Variants in DCLK1 observed in about 807,000 individuals in gnomAD.
The protein encoded by DCLK1 is doublecortin like kinase 1, also known as serine/threonine-protein kinase DCLK1.
DCLK1 carries 16 observed loss-of-function variants against 86.2 expected under a neutral mutation model. The ratio of observed to expected loss-of-function variants is 0.19; its 90% CI spans 0.13 to 0.28. The LOEUF is 0.28. Among genes scored for constraint, DCLK1 ranks in the 10% least tolerant of loss-of-function variants. The pLI, the probability that DCLK1 is intolerant of heterozygous loss-of-function variation, is 1.00. For synonymous variants in DCLK1, 369 were observed against 370.5 expected, an observed-to-expected ratio of 1.00 and a Z score of 0.05; for missense variants, 590 against 940.2, an observed-to-expected ratio of 0.63 and a Z score of 4.87.
At chr13:35,962,118 A>AT (rs1162622197) in intron 3 of DCLK1, among the ~76,000 whole-genome samples, 1 of 152,132 alleles carries the variant, frequency 6.6e-6, no homozygotes. Context: ...TAGTTATCTT[A>AT]TTTTTTGCAA....
intron 4 of DCLK1, among the ~76,000 whole-genome samples, chr13:35,912,417 C>G (rs9545707): frequency 0.16 from 24,859 of 152,138 alleles, 2,547 homozygotes; most frequent in East Asian, 0.34. Flanking sequence ...ACCCCACCCC[C>G]AGTCCTGTGC....
intron 3 of DCLK1, among the ~76,000 whole-genome samples, chr13:35,982,409 GGAGA>G (rs1165995449): frequency 1.5e-4 from 11 of 74,282 alleles, no homozygotes; most frequent in African/African-American, 5.5e-4. Flanking sequence ...GAAAAGAAAG[GGAGA>G]GAGAGAGAGA....
chr13:35,933,361 C>T (rs945811570), intron 4 of DCLK1, among the ~76,000 whole-genome samples: 6 of 152,204 alleles, frequency 3.9e-5, no homozygotes, highest in Non-Finnish European at 7.3e-5. Flanking sequence ...CTTCTCACAG[C>T]TCCACTAAGC....
intron 4 of DCLK1, among the ~76,000 whole-genome samples, chr13:35,874,028 C>G (rs1872454146): frequency 6.6e-6 from 1 of 152,058 alleles, no homozygotes; most frequent in Admixed American, 6.6e-5. Flanking sequence ...ATGTGGTGAA[C>G]CTTTTTAGTA....
chr13:36,032,436 G>A (rs1882321137), intron 3 of DCLK1, among the ~76,000 whole-genome samples: 2 of 152,008 alleles, frequency 1.3e-5, no homozygotes, highest in South Asian at 2.1e-4. Flanking sequence ...GAGCCACTGC[G>A]CCCAGCCCAG....
chr13:36,095,626 T>C (rs113304219), intron 3 of DCLK1, among the ~76,000 whole-genome samples: 1,923 of 152,294 alleles, frequency 0.013, 46 homozygotes, highest in African/African-American at 0.044. Context: ...GTAAATATCA[T>C]GGACATATAA....
At chr13:35,827,896 C>T (rs1388905436) in intron 9 of DCLK1, 142 bp from the exon 10 acceptor site, 3 of 1,062,714 alleles carry the variant, frequency 2.8e-6, no homozygotes, top group Non-Finnish European at 4.1e-6. Flanking sequence ...TTCTGATATT[C>T]AGATATAGCC....
chr13:36,074,832 A>T (rs986921241), intron 3 of DCLK1, among the ~76,000 whole-genome samples: 1 of 152,204 alleles, frequency 6.6e-6, no homozygotes, highest in Non-Finnish European at 1.5e-5. Flanking sequence ...GCAGCTCCTT[A>T]TGCTTTGTGC....
At chr13:36,010,033 T>A (rs1250500453) in intron 3 of DCLK1, among the ~76,000 whole-genome samples, 1 of 39,212 alleles carries the variant, frequency 2.6e-5, no homozygotes. Flanking sequence ...GTTTGTCTGT[T>A]GTTGGTGTAT....
intron 4 of DCLK1, among the ~76,000 whole-genome samples, chr13:35,944,052 G>T (rs1052828695): frequency 6.6e-6 from 1 of 152,240 alleles, no homozygotes; most frequent in Middle Eastern, 3.4e-3. Flanking sequence ...GTTATTTTCC[G>T]AATGTGCAAA....
In DCLK1 at chr13:35,772,538, C is replaced by T. The variant is rs1020032961; in HGVS notation, c.*1997G>A. 6.6e-6 allele frequency: 1 copy of T among 152,132 alleles called. No individual in the cohort carries two copies. The highest frequency in any genetic ancestry group is 1.5e-5 in the Non-Finnish European group (1 of 68,012). The allele number at this position is 152,132 out of a possible 1,614,324, so 9.4% of individuals were successfully genotyped here. ...GTGTTCCTCATTAATATGGAATCTA[C>T]CTACACACCAACACTCTTTCTGGTG... On this transcript the variant is annotated 3_prime_UTR_variant, in exon 17 of 17. Transcript: ENST00000360631.
chr13:35,839,215 C>T, intron 6 of DCLK1, 39 bp from the exon 7 acceptor site: 1 of 1,536,832 alleles, frequency 6.5e-7, no homozygotes, highest in Non-Finnish European at 8.8e-7. Flanking sequence ...AAAACTGGGT[C>T]AGAATGCCTG....
intron 1 of DCLK1, among the ~76,000 whole-genome samples, chr13:36,127,603 C>T (rs111527106): frequency 2.0e-5 from 3 of 152,282 alleles, no homozygotes; most frequent in African/African-American, 7.2e-5. Context: ...TAGTGTCTGA[C>T]ATGTGATAAG....
chr13:35,981,491 C>A (rs984735163), intron 3 of DCLK1, among the ~76,000 whole-genome samples: 1 of 152,146 alleles, frequency 6.6e-6, no homozygotes, highest in Non-Finnish European at 1.5e-5. Flanking sequence ...TGCCACATCA[C>A]TACCACCCAG....
At chr13:36,126,909 A>G (rs1886207486) in intron 1 of DCLK1, among the ~76,000 whole-genome samples, 5 of 152,256 alleles carry the variant, frequency 3.3e-5, no homozygotes, top group African/African-American at 1.2e-4. Context: ...AAATTGCTCC[A>G]AGTAATACAG....
Position 35,774,384 on chromosome 13 carries a change from C to A in DCLK1, c.*151G>T. The A allele has an allele frequency of 2.1e-6, 2 of 950,666 alleles. No individual in the cohort carries two copies. The highest frequency in any genetic ancestry group is 3.1e-6 in the Non-Finnish European group (2 of 653,558). The allele number at this position is 950,666 out of a possible 1,614,324, so 58.9% of individuals were successfully genotyped here. On this transcript the variant is annotated 3_prime_UTR_variant, in exon 17 of 17. Coordinates refer to ENST00000360631, the MANE Select transcript of DCLK1 (RefSeq NM_001330071.2). ...TGTCATCTTATTCAGTAAAGGGAAA[C>A]CGCTACAAAGATACCTGAAAACACT...
At chr13:35,952,821 G>A (rs1324183662) in intron 3 of DCLK1, among the ~76,000 whole-genome samples, 1 of 152,066 alleles carries the variant, frequency 6.6e-6, no homozygotes, top group Non-Finnish European at 1.5e-5. Flanking sequence ...GACTCTATGT[G>A]ATGGTGCTTA....
intron 15 of DCLK1, among the ~76,000 whole-genome samples, chr13:35,800,883 AT>A (rs34873101): frequency 0.54 from 72,862 of 135,188 alleles, 19,490 homozygotes; most frequent in East Asian, 0.58. Context: ...TGCTGGGCTA[AT>A]TTTTTTTTTT....
intron 3 of DCLK1, among the ~76,000 whole-genome samples, chr13:35,992,133 T>TC (rs1193612054): frequency 6.6e-6 from 1 of 152,192 alleles, no homozygotes; most frequent in African/African-American, 2.4e-5. Context: ...TTATAGGGGT[T>TC]CCCACACTCA....
Sources: gnomAD v4.1 joint callset for allele counts (sites outside exome capture counted in the v4.1 genomes callset) on GRCh38, gnomAD v4.1.1 for gene constraint, MANE v1.5 for transcripts, NCBI Gene and HGNC (gene_info 2026-07-23, HGNC 2026-07-21) for gene names.